Variants in CACNA1B observed in about 807,000 individuals in gnomAD.
CACNA1B encodes voltage-dependent N-type calcium channel subunit alpha-1B.
CACNA1B carries 70 observed loss-of-function variants against 247.2 expected under a neutral mutation model. The observed-to-expected ratio is 0.28, with a 90% CI of 0.23 to 0.35. CACNA1B has a LOEUF of 0.35. Among genes scored for constraint, CACNA1B ranks in the 10% least tolerant of loss-of-function variants. The probability of loss-of-function intolerance (pLI) is 1.00; values close to 1 mark genes in which losing one functional copy is unlikely to be tolerated. For synonymous variants in CACNA1B, 1,231 were observed against 1,294.4 expected (o/e 0.95, Z 1.05); for missense variants, 2,367 against 3,197.4 (o/e 0.74, Z 6.26).
chr9:137,907,953 G>C (rs1957316002), intron 3 of CACNA1B, among the ~76,000 whole-genome samples: 3 of 152,012 alleles, frequency 2.0e-5, no homozygotes, highest in Admixed American at 2.0e-4. Context: ...TCCATGATTT[G>C]GAACGGCGCC....
intron 34 of CACNA1B, 46 bp downstream of exon 34, chr9:138,074,112 C>T (rs1419003102): frequency 1.4e-6 from 2 of 1,391,326 alleles, no homozygotes; most frequent in Non-Finnish European, 2.0e-6. Flanking sequence ...GCCTCCCGTG[C>T]CCTGGAGCAG....
intron 41 of CACNA1B, among the ~76,000 whole-genome samples, chr9:138,114,741 G>A (rs533713658): frequency 1.3e-5 from 2 of 152,326 alleles, no homozygotes; most frequent in East Asian, 3.9e-4. Flanking sequence ...GCCAGAAGTT[G>A]AGGGCTGGGC....
Position 138,057,524 on chromosome 9 carries a change from T to A in CACNA1B, c.3969-208T>A, listed in dbSNP as rs974108819. Among the ~76,000 whole-genome samples, 2 of 152,228 alleles carry A rather than the reference T, an allele frequency of 1.3e-5. No homozygotes were observed. Among genetic ancestry groups the A allele is most frequent in the African/African-American group, 4.8e-5 (2 of 41,464 alleles). On this transcript the variant is annotated intron_variant, in intron 26 of 46. Transcript: ENST00000371372. The surrounding 1 kb of genome is among the most constrained non-coding windows in gnomAD (Gnocchi z 4.0). ...TTTTATAGTTTTAGCTCCTTACACT[T>A]AGGTCTGGAATCCATCATGAGTTAA...
chr9:138,058,970 T>G lies in CACNA1B; in HGVS notation c.4474-109T>G. 1 of 746,458 alleles carries G rather than the reference T, an allele frequency of 1.3e-6. No homozygotes were observed. The highest frequency in any genetic ancestry group is 2.4e-6 in the Non-Finnish European group (1 of 425,400). The allele number at this position is 746,458 out of a possible 1,614,324, so 46.2% of individuals were successfully genotyped here. On this transcript the variant is annotated intron_variant, in intron 29 of 46. Transcript: ENST00000371372. The surrounding 1 kb of genome is among the most constrained non-coding windows in gnomAD (Gnocchi z 4.7). ...AGAGCAGGAAGGGGTGTCCCAGGCC[T>G]AGGCAGGCATCGAGTTCTGTCTGCC...
At chr9:138,079,858 G>C (rs1960463592) in intron 36 of CACNA1B, among the ~76,000 whole-genome samples, 1 of 144,900 alleles carries the variant, frequency 6.9e-6, no homozygotes, top group Non-Finnish European at 1.5e-5. Flanking sequence ...CTGGGCAACA[G>C]AGCAAGACTC....
At position 137,906,694 on chromosome 9, in the gene CACNA1B, CAT is replaced by C. The variant is rs758560750; in HGVS notation, c.531-6483_531-6482del. On this transcript the variant is annotated intron_variant, in intron 3 of 46. Coordinates refer to ENST00000371372, the MANE Select transcript of CACNA1B (RefSeq NM_000718.4). ...CATGCCCATGTGATGTCTTATTTAA[CAT>C]ATGTGTTTCTCTTCATCCCCATGTG... 1.5e-3 allele frequency among the ~76,000 whole-genome samples: 222 copies of C among 152,218 alleles called. 2 individuals are homozygous for C. The highest frequency in any genetic ancestry group is 1.7e-3 in the Non-Finnish European group (113 of 68,010).
chr9:138,004,074 C>T (rs1480245416), intron 15 of CACNA1B, among the ~76,000 whole-genome samples: 4 of 151,988 alleles, frequency 2.6e-5, no homozygotes, highest in African/African-American at 4.8e-5. Context: ...CTAGTGAAGT[C>T]GGCGAAGGTG....
At chr9:138,041,477 C>A (rs898753541) in intron 20 of CACNA1B, among the ~76,000 whole-genome samples, 1 of 151,984 alleles carries the variant, frequency 6.6e-6, no homozygotes, top group South Asian at 2.1e-4. Context: ...ACTATTAAGT[C>A]TTTTTAAAAA....
intron 31 of CACNA1B, among the ~76,000 whole-genome samples, chr9:138,060,414 TG>T (rs1393221430): frequency 8.5e-5 from 13 of 152,090 alleles, no homozygotes; most frequent in African/African-American, 3.1e-4. Flanking sequence ...CAGAGGGGCA[TG>T]GGGAAATGGG....
rs1287575997 is a variant in CACNA1B at position 138,120,788 on chromosome 9, C to A, written c.6396C>A (p.Arg2132=). 2.6e-6 allele frequency: 4 copies of A among 1,555,620 alleles called. No homozygotes were observed. The East Asian group carries it at 7.3e-5, about 28-fold the overall frequency. Reference sequence around the variant, plus strand: ...AGCAGCGCTTCTACTCCTGCGACCGCTTTGGGGGCCGTGAGCCCCCGAAGC... The same window carrying A: ...AGCAGCGCTTCTACTCCTGCGACCGATTTGGGGGCCGTGAGCCCCCGAAGC... The part of the protein sequence containing the change: ...SEKQRFYSCD[R]FGGREPPKPK... The change falls in exon 46 of 47, where the codon CGC becomes CGA. Residue 2132 remains arginine (R), a synonymous_variant. Coordinates refer to ENST00000371372, the MANE Select transcript of CACNA1B (RefSeq NM_000718.4).
Position 138,014,163 on chromosome 9 carries a change from T to G in CACNA1B, c.2267+928T>G, listed in dbSNP as rs1342265860. Among the ~76,000 whole-genome samples, 2 of 152,228 alleles carry G rather than the reference T, an allele frequency of 1.3e-5. No individual in the cohort carries two copies. Among genetic ancestry groups the G allele is most frequent in the Admixed American group, 1.3e-4 (2 of 15,282 alleles). ...TGGATGAGTGTGCTAGGTATGTGTGTGTGATGTGTGTCTGCACTGCTGGGT... is the reference window on the plus strand; with the variant it reads ...TGGATGAGTGTGCTAGGTATGTGTGGGTGATGTGTGTCTGCACTGCTGGGT... On this transcript the variant is annotated intron_variant, in intron 18 of 46. Transcript: ENST00000371372. This position sits in a 1 kb window ranked among gnomAD's most constrained non-coding sequence, Gnocchi z 6.2.
intron 5 of CACNA1B, among the ~76,000 whole-genome samples, chr9:137,915,650 A>C (rs1481438950): frequency 6.6e-6 from 1 of 152,102 alleles, no homozygotes; most frequent in Non-Finnish European, 1.5e-5. Flanking sequence ...CCTTTAATCC[A>C]ACTGTAAATA....
Position 137,878,235 on chromosome 9 carries a change from G to A in CACNA1B, c.284+18G>A. Reference sequence around the variant, plus strand: ...GAGTGGCCATATCCTGCCGGGCGGGGCCGGGCGGGGCCGGGCGGGGACCGG... The same window carrying A: ...GAGTGGCCATATCCTGCCGGGCGGGACCGGGCGGGGCCGGGCGGGGACCGG... On this transcript the variant is annotated intron_variant, in intron 1 of 46. Transcript: ENST00000371372. 4 of 1,222,864 alleles carry A rather than the reference G, an allele frequency of 3.3e-6. No homozygotes were observed. The highest frequency in any genetic ancestry group is 3.1e-6 in the Non-Finnish European group (3 of 970,734). 75.8% of individuals were successfully genotyped at this position (1,222,864 alleles called of 1,614,324 possible). A position where few individuals can be genotyped will look rare whatever the true frequency, so the allele number is the denominator to read the frequency against.
At chr9:137,894,317 T>TG (rs979517190) in intron 3 of CACNA1B, among the ~76,000 whole-genome samples, 5 of 150,910 alleles carry the variant, frequency 3.3e-5, no homozygotes, top group African/African-American at 1.2e-4. Flanking sequence ...TTTTTTTTTT[T>TG]TTTTTTTGAT....
chr9:138,000,287 A>T (rs1347861091), intron 15 of CACNA1B, among the ~76,000 whole-genome samples: 2 of 151,968 alleles, frequency 1.3e-5, no homozygotes, highest in Non-Finnish European at 2.9e-5. Flanking sequence ...TTTAGTAGAG[A>T]CAGGGTTTCA....
At position 137,884,961 on chromosome 9, in the gene CACNA1B, C is replaced by A. The variant is rs867456350; in HGVS notation, c.530+2078C>A. 6.4e-3 allele frequency among the ~76,000 whole-genome samples: 693 copies of A among 108,746 alleles called. 56 individuals carry two copies. In the East Asian group the frequency reaches 0.097, roughly 15 times the overall value. 71.3% of individuals were successfully genotyped at this position (108,746 alleles called of 152,430 possible). The stretch of plus-strand genomic sequence containing the variant: ...CCTCTCCCTCCTCTCCCCTCTTCCC[C>A]CCCCCCCTCCTCCCACTTTGCCTGT... On this transcript the variant is annotated intron_variant, in intron 3 of 46. Coordinates refer to ENST00000371372, the MANE Select transcript of CACNA1B (RefSeq NM_000718.4).
chr9:137,940,024 C>T (rs1564198688), intron 6 of CACNA1B, among the ~76,000 whole-genome samples: 4 of 151,746 alleles, frequency 2.6e-5, no homozygotes, highest in South Asian at 2.1e-4. Context: ...ACTAAAGAAA[C>T]AAGAACAAAT....
intron 12 of CACNA1B, among the ~76,000 whole-genome samples, chr9:137,979,215 A>G (rs1442995478): frequency 1.3e-5 from 2 of 152,202 alleles, no homozygotes; most frequent in African/African-American, 4.8e-5. Context: ...GGCACTGGGT[A>G]TCTCTGGCGC....
intron 3 of CACNA1B, among the ~76,000 whole-genome samples, chr9:137,907,588 C>T (rs1167006672): frequency 6.6e-6 from 1 of 152,054 alleles, no homozygotes; most frequent in African/African-American, 2.4e-5. Context: ...CATCTTCTTC[C>T]CTCTTGTAAT....
Sources: gnomAD v4.1 joint callset for allele counts (sites outside exome capture counted in the v4.1 genomes callset) on GRCh38, gnomAD v4.1.1 for gene constraint, Gnocchi (gnomAD v3.1) non-coding constraint, MANE v1.5 for transcripts, NCBI Gene and HGNC (gene_info 2026-07-23, HGNC 2026-07-21) for gene names.